WDR37: variants seen among roughly 807,000 people sequenced by gnomAD.
WDR37 encodes the protein WD repeat-containing protein 37.
Under a neutral mutation model 62.9 loss-of-function variants are expected in WDR37, and 19 were observed. That is an observed-to-expected ratio of 0.30 (90% CI 0.21 to 0.44). WDR37 has a LOEUF of 0.44. Among genes scored for constraint, WDR37 ranks in the 20% least tolerant of loss-of-function variants. WDR37 has a pLI of 1.00. For synonymous variants in WDR37, 250 were observed against 260.9 expected (o/e 0.96, Z 0.40); for missense variants, 474 against 657.6 (o/e 0.72, Z 3.05).
intron 1 of WDR37, among the ~76,000 whole-genome samples, chr10:1,067,857 G>A (rs186915810): frequency 4.6e-5 from 7 of 151,348 alleles, no homozygotes; most frequent in Admixed American, 3.3e-4. Context: ...AATGTGGTGC[G>A]CACACACACA....
intron 3 of WDR37, among the ~76,000 whole-genome samples, chr10:1,078,315 C>T (rs987453037): frequency 6.6e-6 from 1 of 152,232 alleles, no homozygotes; most frequent in Non-Finnish European, 1.5e-5. Context: ...AATATACCAT[C>T]ATTTGAAAAT....
At chr10:1,120,649 GAC>G (rs1356140767) in intron 11 of WDR37, among the ~76,000 whole-genome samples, 1 of 152,220 alleles carries the variant, frequency 6.6e-6, no homozygotes, top group Non-Finnish European at 1.5e-5. Context: ...CCTCTCTGTG[GAC>G]ACACAGGCGT....
chr10:1,061,003 G>A (rs1009006663), intron 1 of WDR37, among the ~76,000 whole-genome samples: 39 of 152,274 alleles, frequency 2.6e-4, no homozygotes, highest in African/African-American at 7.9e-4. Context: ...CCACAGTGAC[G>A]AAATCACGTA....
intron 9 of WDR37, among the ~76,000 whole-genome samples, chr10:1,101,090 C>T (rs1029101730): frequency 1.3e-5 from 2 of 152,214 alleles, no homozygotes; most frequent in African/African-American, 4.8e-5. Flanking sequence ...GTCAGCCACT[C>T]CTGCAGCAGA....
rs932452460 is a variant in WDR37, at chr10:1,092,784, C to T, written c.605-668C>T. On this transcript the variant is annotated intron_variant, in intron 7 of 13. Transcript: ENST00000263150. Reference sequence around the variant, plus strand: ...ACTTGGGAGGCTAAGGTAGGAGGATCACCTGAGCCTTGAAGGTCAAAGCTG... The same window carrying T: ...ACTTGGGAGGCTAAGGTAGGAGGATTACCTGAGCCTTGAAGGTCAAAGCTG... 3.4e-5 allele frequency among the ~76,000 whole-genome samples: 5 copies of T among 147,492 alleles called. No individual in the cohort carries two copies. The Admixed American group carries it at 3.5e-4, about 10-fold the overall frequency.
intron 2 of WDR37, among the ~76,000 whole-genome samples, chr10:1,075,478 T>C (rs1244713149): frequency 1.5e-5 from 2 of 129,550 alleles, no homozygotes; most frequent in African/African-American, 5.9e-5. Flanking sequence ...TTCCCCTCCC[T>C]GTGTCCATGT....
rs889947353 is a variant in WDR37, at chr10:1,073,463, A to G, written c.138+1170A>G. ...GAAGAGGATCTTTACCTCAAATTAG[A>G]TGATTATGCATTGAATAAATAAACC... On this transcript the variant is annotated intron_variant, in intron 2 of 13. Coordinates refer to ENST00000263150, the MANE Select transcript of WDR37 (RefSeq NM_014023.4). Among the ~76,000 whole-genome samples, 6 of 152,328 alleles carry G rather than the reference A, an allele frequency of 3.9e-5. No homozygotes were observed. In the East Asian group the frequency reaches 7.7e-4, roughly 20 times the overall value.
At chr10:1,120,814 G>A (rs1835553877) in intron 11 of WDR37, among the ~76,000 whole-genome samples, 1 of 152,258 alleles carries the variant, frequency 6.6e-6, no homozygotes, top group Non-Finnish European at 1.5e-5. Context: ...TTTCCTTAGT[G>A]AAATTTCGGC....
chr10:1,120,214 G>C (rs567118683), intron 11 of WDR37, among the ~76,000 whole-genome samples: 1 of 152,236 alleles, frequency 6.6e-6, no homozygotes, highest in Non-Finnish European at 1.5e-5. Context: ...GAGACCCCGA[G>C]TGTGCATTTG....
intron 1 of WDR37, among the ~76,000 whole-genome samples, chr10:1,066,768 A>G (rs985917046): frequency 6.6e-6 from 1 of 152,206 alleles, no homozygotes; most frequent in African/African-American, 2.4e-5. Flanking sequence ...AGATTGGGCA[A>G]TTTACAAAGG....
intron 1 of WDR37, among the ~76,000 whole-genome samples, chr10:1,061,402 G>A (rs951984627): frequency 5.9e-5 from 9 of 152,116 alleles, no homozygotes; most frequent in Admixed American, 1.3e-4. Flanking sequence ...ATGCTACGCC[G>A]GTTGAGCATC....
chr10:1,126,345 G>A (rs991995535), intron 13 of WDR37, among the ~76,000 whole-genome samples: 5 of 150,856 alleles, frequency 3.3e-5, no homozygotes, highest in Non-Finnish European at 7.4e-5. Context: ...GGCGGAGCTT[G>A]CAGTGAGCTG....
chr10:1,099,717 G>T (rs1834724633), intron 9 of WDR37, among the ~76,000 whole-genome samples: 1 of 150,986 alleles, frequency 6.6e-6, no homozygotes, highest in South Asian at 2.1e-4. Flanking sequence ...TGAGGAGGGT[G>T]AGCATTGATG....
intron 2 of WDR37, 91 bp downstream of exon 2, chr10:1,072,384 C>T (rs1589081384): frequency 1.3e-6 from 2 of 1,531,948 alleles, no homozygotes; most frequent in East Asian, 2.3e-5. Flanking sequence ...ATGGTGCGAT[C>T]TCCGCTCACA....
chr10:1,066,875 C>T (rs144645237), intron 1 of WDR37, among the ~76,000 whole-genome samples: 3 of 152,242 alleles, frequency 2.0e-5, no homozygotes, highest in African/African-American at 4.8e-5. Context: ...GCGTGGATGG[C>T]GGCAGGCAGA....
At chr10:1,123,780 T>A (rs1197888680) in intron 11 of WDR37, 1 of 155,572 alleles carries the variant, frequency 6.4e-6, no homozygotes, top group Non-Finnish European at 1.4e-5. Flanking sequence ...GTGTTATGAT[T>A]ACATTGATTG....
chr10:1,107,006 C>A (rs570282957), intron 11 of WDR37, among the ~76,000 whole-genome samples: 1 of 152,156 alleles, frequency 6.6e-6, no homozygotes, highest in Non-Finnish European at 1.5e-5. Flanking sequence ...CTGCCAGCTC[C>A]GTCAGCGATA....
At chr10:1,096,949 A>G (rs1427650320) in intron 9 of WDR37, among the ~76,000 whole-genome samples, 1 of 152,118 alleles carries the variant, frequency 6.6e-6, no homozygotes, top group East Asian at 1.9e-4. Flanking sequence ...GGAAAAGTGG[A>G]TGTTGAAGGC....
At chr10:1,080,998 A>G (rs763045720) in intron 5 of WDR37, among the ~76,000 whole-genome samples, 7 of 152,166 alleles carry the variant, frequency 4.6e-5, no homozygotes, top group Non-Finnish European at 8.8e-5. Flanking sequence ...ATTAGTAAAT[A>G]TATTGTCTTT....
Sources: gnomAD v4.1 joint callset for allele counts (sites outside exome capture counted in the v4.1 genomes callset) on GRCh38, gnomAD v4.1.1 for gene constraint, MANE v1.5 for transcripts, NCBI Gene and HGNC (gene_info 2026-07-23, HGNC 2026-07-21) for gene names.